Variants in SLC9A1 observed in about 807,000 individuals in gnomAD.
SLC9A1 encodes the protein solute carrier family 9 member A1, also known as sodium/hydrogen exchanger 1.
SLC9A1 carries 22 observed loss-of-function variants against 67.9 expected under a neutral mutation model. The ratio of observed to expected loss-of-function variants is 0.32; its 90% CI spans 0.23 to 0.46. SLC9A1 has a LOEUF of 0.46. Ranked by LOEUF, SLC9A1 falls within the 20% of genes least tolerant of loss-of-function variation. The pLI is 1.00. For synonymous variants in SLC9A1, 421 were observed against 471.8 expected (o/e 0.89, Z 1.40); for missense variants, 686 against 1,094.8 (o/e 0.63, Z 5.27).
chr1:27,116,863 A>G (rs1444012440), intron 1 of SLC9A1, among the ~76,000 whole-genome samples: 1 of 152,054 alleles, frequency 6.6e-6, no homozygotes, highest in African/African-American at 2.4e-5. Context: ...TATGAGCCAC[A>G]TCCTCTTTTG....
At chr1:27,116,117 T>C (rs545523164) in intron 1 of SLC9A1, among the ~76,000 whole-genome samples, 1 of 152,214 alleles carries the variant, frequency 6.6e-6, no homozygotes, top group African/African-American at 2.4e-5. Context: ...CCCAGCACTT[T>C]GGGAGGCCGA....
chr1:27,131,745 C>CA (rs34967146), intron 1 of SLC9A1, among the ~76,000 whole-genome samples: 17,807 of 97,580 alleles, frequency 0.18, 2,016 homozygotes, highest in African/African-American at 0.35. Context: ...GACTCTGTCT[C>CA]AAAAAAAAAA....
intron 1 of SLC9A1, among the ~76,000 whole-genome samples, chr1:27,123,741 C>A (rs1429461680): frequency 6.6e-6 from 1 of 152,102 alleles, no homozygotes; most frequent in Non-Finnish European, 1.5e-5. Flanking sequence ...GGACTCCTGA[C>A]CTCAGCTGAT....
intron 1 of SLC9A1, among the ~76,000 whole-genome samples, chr1:27,145,320 A>C (rs1471169182): frequency 6.6e-6 from 1 of 152,190 alleles, no homozygotes; most frequent in African/African-American, 2.4e-5. Flanking sequence ...GGAAGCTCCT[A>C]AAGAGCAGGG....
intron 1 of SLC9A1, among the ~76,000 whole-genome samples, chr1:27,126,888 C>G (rs187090443): frequency 1.9e-3 from 295 of 152,264 alleles, no homozygotes; most frequent in African/African-American, 6.7e-3. Context: ...TGGCCTTTTC[C>G]TTGAAGGAAG....
intron 1 of SLC9A1, among the ~76,000 whole-genome samples, chr1:27,149,691 G>C (rs2083514111): frequency 6.6e-6 from 1 of 152,190 alleles, no homozygotes; most frequent in Non-Finnish European, 1.5e-5. Flanking sequence ...CTCTACGTTG[G>C]TCTTAAGGAT....
Position 27,106,387 on chromosome 1 carries a change from T to G in SLC9A1, c.1283-300A>C, listed in dbSNP as rs540244535. 1.1e-4 allele frequency among the ~76,000 whole-genome samples: 17 copies of G among 152,130 alleles called. No homozygotes were observed. In the South Asian group the frequency reaches 3.5e-3, roughly 32 times the overall value. ...AAGATCAAACAAGATGGGTCACAGG[T>G]CAATACTTGTTAAATGTGATGGGTG... On this transcript the variant is annotated intron_variant, in intron 4 of 11. Transcript: ENST00000263980. The surrounding 1 kb of genome is among the most constrained non-coding windows in gnomAD (Gnocchi z 4.3).
At position 27,102,717 on chromosome 1, in the gene SLC9A1, G is replaced by C; in HGVS notation, c.1602C>G (p.Ile534Met). The C allele has an allele frequency of 6.2e-7, 1 of 1,613,744 alleles. No homozygotes were observed. Among genetic ancestry groups the C allele is most frequent in the Non-Finnish European group, 8.5e-7 (1 of 1,179,950 alleles). ...TQFLDHLLTG[I>M]EDICGHYGHH... is the part of the protein sequence containing the mutation. ...GACCGTAGTGGCCACAGATGTCTTC[G>C]ATGCCTGTCAGAAGGTGGTCCAGGA... Residue 534 changes from isoleucine to methionine, a missense_variant, in exon 7 of 12, where the codon ATC becomes ATG. Physicochemically the swap from Ile to Met is conservative, Grantham distance 10. Coordinates refer to ENST00000263980, the MANE Select transcript of SLC9A1 (RefSeq NM_003047.5).
At chr1:27,150,114 T>C (rs1287131132) in intron 1 of SLC9A1, among the ~76,000 whole-genome samples, 2 of 152,186 alleles carry the variant, frequency 1.3e-5, no homozygotes, top group East Asian at 3.9e-4. Flanking sequence ...TATTTGTTCT[T>C]CTCTTCTTTT....
Position 27,114,658 on chromosome 1 carries a change from C to T in SLC9A1, c.353-372G>A, listed in dbSNP as rs1335215113. Among the ~76,000 whole-genome samples, 1 of 152,186 alleles carries T rather than the reference C, an allele frequency of 6.6e-6. No homozygotes were observed. The highest frequency in any genetic ancestry group is 1.5e-5 in the Non-Finnish European group (1 of 68,040). On this transcript the variant is annotated intron_variant, in intron 1 of 11. Transcript: ENST00000263980. The surrounding 1 kb of genome is among the most constrained non-coding windows in gnomAD (Gnocchi z 5.4). ...AAGTACCTACGGGCATCACCTACGC[C>T]TGAACCCAAGGCATTATTCCAGGCA...
intron 1 of SLC9A1, among the ~76,000 whole-genome samples, chr1:27,134,358 A>G (rs1033585160): frequency 1.3e-5 from 2 of 152,186 alleles, no homozygotes; most frequent in African/African-American, 4.8e-5. Context: ...ACAGCCCACG[A>G]TTTTACATAA....
chr1:27,113,926 T>C lies in SLC9A1; in HGVS notation c.713A>G (p.Asp238Gly). The change falls in exon 2 of 12, where the codon GAC becomes GGC. Residue 238 changes from aspartate to glycine, a missense_variant. Asp to Gly is a moderately conservative substitution (Grantham distance 94, BLOSUM62 -1). Transcript: ENST00000263980. ...AAAGACAGCCAGAACCGCCACGGGG[T>C]CCACGGCCGAGATGATGCTGCCGAA... ...LLFGSIISAV[D>G]PVAVLAVFEE... The C allele has an allele frequency of 6.2e-7, 1 of 1,614,124 alleles. No homozygotes were observed. The highest frequency in any genetic ancestry group is 8.5e-7 in the Non-Finnish European group (1 of 1,180,024).
intron 1 of SLC9A1, among the ~76,000 whole-genome samples, chr1:27,119,601 C>T (rs905393733): frequency 6.6e-6 from 1 of 152,198 alleles, no homozygotes; most frequent in Non-Finnish European, 1.5e-5. Context: ...AACCCATTTG[C>T]TCTCCACCAT....
intron 1 of SLC9A1, among the ~76,000 whole-genome samples, chr1:27,132,432 G>T (rs2083392442): frequency 6.6e-6 from 1 of 152,100 alleles, no homozygotes; most frequent in Non-Finnish European, 1.5e-5. Flanking sequence ...TGGCTCTTTT[G>T]CCCTGACTCC....
chr1:27,125,229 T>C (rs1030072843), intron 1 of SLC9A1, among the ~76,000 whole-genome samples: 4 of 129,564 alleles, frequency 3.1e-5, no homozygotes, highest in African/African-American at 1.2e-4. Context: ...CCTTCCTTCC[T>C]TTTCTTTCTT....
intron 4 of SLC9A1, among the ~76,000 whole-genome samples, chr1:27,107,363 A>G (rs1208696650): frequency 7.5e-6 from 1 of 133,600 alleles, no homozygotes; most frequent in Non-Finnish European, 1.6e-5. Flanking sequence ...ACAACATACT[A>G]CACACACACA....
chr1:27,109,479 C>T lies in SLC9A1; in HGVS notation c.1064+48G>A, dbSNP rs774225432. On this transcript the variant is annotated intron_variant, in intron 3 of 11. Transcript: ENST00000263980. This position sits in a 1 kb window ranked among gnomAD's most constrained non-coding sequence, Gnocchi z 5.5. ...AGCCTGGGGAATCCAAGCTGGCAGC[C>T]CCCGCCCCCACCCCGCCAAGCCCAC... 1 of 1,596,022 alleles carries T rather than the reference C, an allele frequency of 6.3e-7. No individual in the cohort carries two copies. Among genetic ancestry groups the T allele is most frequent in the Non-Finnish European group, 8.5e-7 (1 of 1,173,176 alleles).
intron 1 of SLC9A1, among the ~76,000 whole-genome samples, chr1:27,131,976 AT>A (rs2083389568): frequency 1.4e-5 from 2 of 142,606 alleles, no homozygotes; most frequent in African/African-American, 5.2e-5. Context: ...ATATATATAT[AT>A]AAAATTATGG....
At chr1:27,122,950 G>A (rs1486652478) in intron 1 of SLC9A1, among the ~76,000 whole-genome samples, 7 of 151,790 alleles carry the variant, frequency 4.6e-5, no homozygotes, top group Non-Finnish European at 8.8e-5. Context: ...GCCTGGCAAG[G>A]GAGAGGTGCC....
Sources: allele counts gnomAD v4.1 joint callset (sites outside exome capture counted in the v4.1 genomes callset), GRCh38; gene constraint gnomAD v4.1.1; non-coding constraint Gnocchi (gnomAD v3.1); transcripts MANE v1.5; gene names NCBI Gene and HGNC (gene_info 2026-07-23, HGNC 2026-07-21).